Variants in SUGP1 observed in about 807,000 individuals in gnomAD.
SUGP1 encodes the protein SURP and G-patch domain-containing protein 1.
SUGP1 carries 34 observed loss-of-function variants against 76.5 expected under a neutral mutation model. The ratio of observed to expected loss-of-function variants is 0.44; its 90% CI spans 0.34 to 0.59. The LOEUF (loss-of-function observed/expected upper bound fraction) is 0.59. SUGP1 is among the 20% of genes least tolerant of loss of function. SUGP1 has a pLI of 0.01. For missense variants in SUGP1, 752 were observed against 851.7 expected (o/e 0.88, Z 1.46); for synonymous variants, 326 against 326.2 (o/e 1.00, Z 0.01).
chr19:19,304,957 C>G (rs1445210980), intron 4 of SUGP1, among the ~76,000 whole-genome samples: 2 of 152,172 alleles, frequency 1.3e-5, no homozygotes, highest in Non-Finnish European at 2.9e-5. Flanking sequence ...GTTTCTGAGG[C>G]CATGCAGACA....
At chr19:19,293,890 G>A (rs548190751) in intron 8 of SUGP1, among the ~76,000 whole-genome samples, 99 of 152,212 alleles carry the variant, frequency 6.5e-4, no homozygotes, top group African/African-American at 2.1e-3. Flanking sequence ...AAACCCTGAA[G>A]AATCCACAAA....
chr19:19,312,027 T>C (rs1456218754), intron 2 of SUGP1, among the ~76,000 whole-genome samples: 1 of 151,974 alleles, frequency 6.6e-6, no homozygotes, highest in African/African-American at 2.4e-5. Context: ...AATGGAAATG[T>C]AGAAAAACTG....
At chr19:19,301,404 C>T (rs1358762066) in intron 7 of SUGP1, among the ~76,000 whole-genome samples, 1 of 152,178 alleles carries the variant, frequency 6.6e-6, no homozygotes, top group East Asian at 1.9e-4. Flanking sequence ...CCACTGCCCT[C>T]GTCTGCCTGG....
intron 8 of SUGP1, among the ~76,000 whole-genome samples, chr19:19,292,257 AGT>A: frequency 6.9e-6 from 1 of 145,936 alleles, no homozygotes; most frequent in African/African-American, 2.5e-5. Flanking sequence ...AGGGTGACAG[AGT>A]GAGACTCCGT....
At chr19:19,307,558 C>T (rs192369422) in intron 3 of SUGP1, among the ~76,000 whole-genome samples, 10 of 152,216 alleles carry the variant, frequency 6.6e-5, no homozygotes, top group Admixed American at 6.6e-4. Context: ...GCACACACTG[C>T]TTGACTGAGA....
chr19:19,276,692 G>C lies in SUGP1; in HGVS notation c.1912-18C>G, dbSNP rs1305371039. The C allele has an allele frequency of 1.2e-6, 2 of 1,614,018 alleles. No homozygotes were observed. The highest frequency in any genetic ancestry group is 2.7e-5 in the African/African-American group (2 of 74,934). ...GGATTGTTCTGTGGAAGGCAAAACA[G>C]ATAACAGGAGGAGGGGATTAGCACT... On this transcript the variant is annotated intron_variant, in intron 13 of 13. Coordinates refer to ENST00000247001, the MANE Select transcript of SUGP1 (RefSeq NM_172231.4).
intron 7 of SUGP1, among the ~76,000 whole-genome samples, chr19:19,298,602 G>C (rs2061247403): frequency 6.6e-6 from 1 of 152,196 alleles, no homozygotes; most frequent in Admixed American, 6.5e-5. Context: ...TCAAGAGGGT[G>C]GGACAGAAGG....
intron 1 of SUGP1, among the ~76,000 whole-genome samples, chr19:19,320,151 A>G (rs1391779031): frequency 6.6e-6 from 1 of 152,226 alleles, no homozygotes; most frequent in African/African-American, 2.4e-5. Flanking sequence ...GGACAGCCCA[A>G]GGTTGTCGCC....
intron 11 of SUGP1, 55 bp downstream of exon 11, chr19:19,278,635 T>C: frequency 2.0e-6 from 3 of 1,511,488 alleles, no homozygotes; most frequent in Non-Finnish European, 2.7e-6. Flanking sequence ...GTGAGGCAGC[T>C]ACAGGAGGGG....
chr19:19,294,996 A>C (rs1393048616), intron 8 of SUGP1, among the ~76,000 whole-genome samples: 1 of 152,156 alleles, frequency 6.6e-6, no homozygotes, highest in African/African-American at 2.4e-5. Context: ...CAACACAAAC[A>C]AACCAACTTT....
chr19:19,285,023 G>T (rs538983167), intron 8 of SUGP1, among the ~76,000 whole-genome samples: 1 of 149,934 alleles, frequency 6.7e-6, no homozygotes, highest in Non-Finnish European at 1.5e-5. Flanking sequence ...GCCCGCCACC[G>T]TGCCTGGCTA....
intron 2 of SUGP1, among the ~76,000 whole-genome samples, chr19:19,314,803 G>C (rs781391644): frequency 2.0e-5 from 3 of 152,224 alleles, no homozygotes; most frequent in Non-Finnish European, 2.9e-5. Context: ...GGGAGACTGA[G>C]AGGGGCGGAT....
chr19:19,309,001 G>A (rs12983137), intron 3 of SUGP1, among the ~76,000 whole-genome samples: 35,022 of 152,008 alleles, frequency 0.23, 4,527 homozygotes, highest in South Asian at 0.35. Flanking sequence ...CGAGTAGCTG[G>A]GATTACAGGC....
intron 4 of SUGP1, among the ~76,000 whole-genome samples, chr19:19,304,681 T>C (rs571835778): frequency 5.3e-5 from 8 of 152,336 alleles, no homozygotes; most frequent in Non-Finnish European, 1.0e-4. Context: ...CTACACAGAC[T>C]GCAGTCCTTG....
At chr19:19,314,844 GA>G (rs1161049369) in intron 2 of SUGP1, among the ~76,000 whole-genome samples, 1 of 152,102 alleles carries the variant, frequency 6.6e-6, no homozygotes, top group African/African-American at 2.4e-5. Context: ...AGACCAGCCT[GA>G]CCAACAAGGA....
chr19:19,310,840 G>A (rs924853724), intron 2 of SUGP1, among the ~76,000 whole-genome samples: 3 of 151,902 alleles, frequency 2.0e-5, no homozygotes, highest in Non-Finnish European at 2.9e-5. Flanking sequence ...ATGGGGTTTC[G>A]CTATGTTGGC....
At chr19:19,302,038 C>T (rs933808969) in intron 7 of SUGP1, 42 of 586,170 alleles carry the variant, frequency 7.2e-5, no homozygotes, top group Middle Eastern at 9.3e-4. Context: ...ACAAAGGCCC[C>T]AAAGGCCCCG....
chr19:19,313,946 C>T (rs555186111), intron 2 of SUGP1, among the ~76,000 whole-genome samples: 70 of 152,182 alleles, frequency 4.6e-4, no homozygotes, highest in African/African-American at 1.7e-3. Flanking sequence ...AAAGACCAGC[C>T]TGGCCAACAT....
intron 2 of SUGP1, among the ~76,000 whole-genome samples, chr19:19,312,212 G>A (rs530059352): frequency 1.3e-5 from 2 of 152,112 alleles, no homozygotes; most frequent in South Asian, 4.1e-4. Flanking sequence ...GGGTGACAGA[G>A]TAAGATCATT....
Sources: gnomAD v4.1 joint callset for allele counts (sites outside exome capture counted in the v4.1 genomes callset) on GRCh38, gnomAD v4.1.1 for gene constraint, MANE v1.5 for transcripts, NCBI Gene and HGNC (gene_info 2026-07-23, HGNC 2026-07-21) for gene names.